STARD13: variants seen among roughly 807,000 people sequenced by gnomAD.
STARD13 encodes StAR related lipid transfer domain containing 13.
Under a neutral mutation model 106.4 loss-of-function variants are expected in STARD13, and 62 were observed. That is an observed-to-expected ratio of 0.58 (90% CI 0.48 to 0.72). The LOEUF (loss-of-function observed/expected upper bound fraction) is 0.72, where lower values mean the gene tolerates loss of function less well. STARD13 is among the 30% of genes least tolerant of loss of function. The pLI is 0.00. For missense variants in STARD13, 1,387 were observed against 1,424.0 expected (o/e 0.97, Z 0.42); for synonymous variants, 565 against 553.0 (o/e 1.02, Z -0.31).
chr13:33,445,087 C>T, the STARD13 span, among the ~76,000 whole-genome samples: 1 of 152,044 alleles, frequency 6.6e-6, no homozygotes, highest in African/African-American at 2.4e-5. Flanking sequence ...GGCTATGTCC[C>T]TTAGGGCTTG....
At chr13:33,454,405 T>C in the STARD13 span, among the ~76,000 whole-genome samples, 1 of 152,220 alleles carries the variant, frequency 6.6e-6, no homozygotes, top group African/African-American at 2.4e-5. Context: ...CCCTAAGAAA[T>C]CTCTTGCACA....
At chr13:33,545,359 T>A in the STARD13 span, among the ~76,000 whole-genome samples, 3 of 151,856 alleles carry the variant, frequency 2.0e-5, no homozygotes, top group African/African-American at 7.3e-5. Context: ...CTTCCCAAAG[T>A]GCTGGGATTA....
At chr13:33,350,130 C>T (rs939474595) in intron 1 of STARD13, among the ~76,000 whole-genome samples, 5 of 152,174 alleles carry the variant, frequency 3.3e-5, no homozygotes, top group Non-Finnish European at 7.4e-5. Flanking sequence ...GCTCGGGGCC[C>T]GGCCCAGGGA....
At chr13:33,295,004 A>G (rs1892432740) in intron 1 of STARD13, among the ~76,000 whole-genome samples, 1 of 152,048 alleles carries the variant, frequency 6.6e-6, no homozygotes, top group South Asian at 2.1e-4. Flanking sequence ...CTCCATTCTT[A>G]TATACAATCC....
the STARD13 span, chr13:33,519,951 T>C: frequency 1.3e-5 from 2 of 152,166 alleles, no homozygotes; most frequent in African/African-American, 4.8e-5. Context: ...CACTGCAAAA[T>C]GTATACCTTG....
chr13:33,275,743 T>G (rs1406744593), intron 1 of STARD13: 1 of 152,238 alleles, frequency 6.6e-6, no homozygotes, highest in Admixed American at 6.5e-5. Context: ...AAAGGTGTCT[T>G]GAAATTCAAC....
At chr13:33,619,697 A>G in the STARD13 span, among the ~76,000 whole-genome samples, 7 of 152,186 alleles carry the variant, frequency 4.6e-5, no homozygotes, top group African/African-American at 1.7e-4. Context: ...AACAAAATAG[A>G]TGGGACAAAT....
chr13:33,350,048 G>A (rs1185938307), intron 1 of STARD13, among the ~76,000 whole-genome samples: 2 of 152,178 alleles, frequency 1.3e-5, no homozygotes, highest in Non-Finnish European at 2.9e-5. Context: ...CCAGCATGGA[G>A]CACCAGGCCT....
In STARD13 at chr13:33,129,136, T is replaced by C; in HGVS notation, c.1541A>G (p.His514Arg). The C allele has an allele frequency of 6.2e-7, 1 of 1,614,208 alleles. No homozygotes were observed. The highest frequency in any genetic ancestry group is 1.1e-5 in the South Asian group (1 of 91,082). ...SKDVLPELQT[H>R]DTLVGEPGLS... The stretch of plus-strand genomic sequence containing the variant: ...GCCAGGTTCCCCAACCAATGTATCA[T>C]GAGTTTGCAGTTCAGGCAAGACATC... The change falls in exon 5 of 14, where the codon CAT (histidine) becomes CGT (arginine). Residue 514 changes from histidine to arginine, a missense_variant. Coordinates refer to ENST00000336934, the MANE Select transcript of STARD13 (RefSeq NM_178006.4).
At chr13:33,602,360 G>A in the STARD13 span, among the ~76,000 whole-genome samples, 1 of 152,154 alleles carries the variant, frequency 6.6e-6, no homozygotes, top group African/African-American at 2.4e-5. Flanking sequence ...CAAAGTGCTG[G>A]GATTGCAGGC....
At chr13:33,671,408 C>T in the STARD13 span, among the ~76,000 whole-genome samples, 11 of 152,280 alleles carry the variant, frequency 7.2e-5, no homozygotes, top group African/African-American at 2.6e-4. Flanking sequence ...GGTTTGCATT[C>T]ATTATTTCCC....
Position 33,273,589 on chromosome 13 carries a change from T to C in STARD13, c.169+11881A>G, listed in dbSNP as rs144826847. ...TCAACAAATTGATAGTGATCAGATTTGTAGGCAGTCTTTCATAGCTGAGGG... is the reference window on the plus strand; with the variant it reads ...TCAACAAATTGATAGTGATCAGATTCGTAGGCAGTCTTTCATAGCTGAGGG... On this transcript the variant is annotated intron_variant, in intron 1 of 13. Transcript: ENST00000336934. 2.7e-3 allele frequency among the ~76,000 whole-genome samples: 406 copies of C among 152,330 alleles called. 1 individual carries two copies. Among genetic ancestry groups the C allele is most frequent in the African/African-American group, 8.6e-3 (359 of 41,582 alleles).
intron 1 of STARD13, among the ~76,000 whole-genome samples, chr13:33,254,320 G>A (rs1263747765): frequency 1.3e-5 from 2 of 152,226 alleles, no homozygotes; most frequent in Non-Finnish European, 2.9e-5. Flanking sequence ...GAACACGTGC[G>A]TGTGACACAG....
At chr13:33,610,364 G>A in the STARD13 span, among the ~76,000 whole-genome samples, 2 of 152,198 alleles carry the variant, frequency 1.3e-5, no homozygotes, top group Non-Finnish European at 2.9e-5. Context: ...AAACATCTTG[G>A]TGATGATATA....
At chr13:33,137,384 C>T (rs1001360820) in intron 4 of STARD13, among the ~76,000 whole-genome samples, 7 of 152,136 alleles carry the variant, frequency 4.6e-5, no homozygotes, top group Admixed American at 6.5e-5. Context: ...AATGAATGGG[C>T]GTAGCTATTG....
the STARD13 span, among the ~76,000 whole-genome samples, chr13:33,610,763 T>C: frequency 6.6e-6 from 1 of 152,184 alleles, no homozygotes; most frequent in African/African-American, 2.4e-5. Context: ...TCCGCTGAGA[T>C]CAGGACTGAA....
chr13:33,136,555 T>C (rs1879082877), intron 4 of STARD13, among the ~76,000 whole-genome samples: 1 of 152,208 alleles, frequency 6.6e-6, no homozygotes, highest in Admixed American at 6.5e-5. Context: ...CTTTCCCTAA[T>C]TGGTTTTTTA....
chr13:33,558,710 C>G, the STARD13 span, among the ~76,000 whole-genome samples: 1 of 151,688 alleles, frequency 6.6e-6, no homozygotes, highest in Non-Finnish European at 1.5e-5. Flanking sequence ...GTTATGCTAT[C>G]CTAGGGCCTG....
At chr13:33,541,684 A>G in the STARD13 span, among the ~76,000 whole-genome samples, 1 of 151,346 alleles carries the variant, frequency 6.6e-6, no homozygotes, top group Non-Finnish European at 1.5e-5. Context: ...GTTTTTATAT[A>G]GGCCCTGGAC....
Sources: gnomAD v4.1 joint callset for allele counts (sites outside exome capture counted in the v4.1 genomes callset) on GRCh38, gnomAD v4.1.1 for gene constraint, MANE v1.5 for transcripts, NCBI Gene and HGNC (gene_info 2026-07-23, HGNC 2026-07-21) for gene names.